NPFFR2: variants seen among roughly 807,000 people sequenced by gnomAD.
NPFFR2 encodes the protein neuropeptide FF receptor 2.
A neutral mutation model predicts 13.1 loss-of-function variants in NPFFR2; 15 were observed. The observed-to-expected ratio is 1.15, with a 90% confidence interval of 0.77 to 1.76. The LOEUF (loss-of-function observed/expected upper bound fraction) is 1.76, where lower values mean the gene tolerates loss of function less well. Ranked by LOEUF, NPFFR2 falls within the 40% of genes most tolerant of loss-of-function variation. NPFFR2 has a pLI of 0.00. For missense variants in NPFFR2, 572 were observed against 503.5 expected, an observed-to-expected ratio of 1.14 and a Z score of -1.30; for synonymous variants, 190 against 175.7, an observed-to-expected ratio of 1.08 and a Z score of -0.65.
Position 72,075,430 on chromosome 4 carries a change from G to A in NPFFR2, c.-8+43230G>A, listed in dbSNP as rs561461969. ...AATAACAGACTACCAAAATACATGA[G>A]GTAAGAAATGACTAAAGAACTAAAG... is the stretch of plus-strand genomic sequence containing the variant. On this transcript the variant is annotated intron_variant, in intron 1 of 3. Coordinates refer to ENST00000308744, the MANE Select transcript of NPFFR2 (RefSeq NM_004885.3). Among the ~76,000 whole-genome samples, 5 of 152,056 alleles carry A rather than the reference G, an allele frequency of 3.3e-5. No individual in the cohort carries two copies. The East Asian group carries it at 7.7e-4, about 24-fold the overall frequency.
intron 1 of NPFFR2, among the ~76,000 whole-genome samples, chr4:72,073,184 A>C (rs1720312800): frequency 6.6e-6 from 1 of 152,050 alleles, no homozygotes; most frequent in Non-Finnish European, 1.5e-5. Flanking sequence ...TATATTTTGA[A>C]ATAACTAAAA....
intron 1 of NPFFR2, among the ~76,000 whole-genome samples, chr4:72,093,649 A>G (rs1720971572): frequency 6.6e-6 from 1 of 151,048 alleles, no homozygotes; most frequent in South Asian, 2.1e-4. Context: ...GCATTTTGCC[A>G]TTTCTCTAAG....
chr4:72,139,916 G>T (rs1448799251), intron 3 of NPFFR2, among the ~76,000 whole-genome samples: 1 of 152,058 alleles, frequency 6.6e-6, no homozygotes, highest in Non-Finnish European at 1.5e-5. Flanking sequence ...GTTTGTTTGT[G>T]TCCTCTTTTA....
At chr4:72,116,544 C>A (rs1375569421) in intron 1 of NPFFR2, among the ~76,000 whole-genome samples, 1 of 151,956 alleles carries the variant, frequency 6.6e-6, no homozygotes, top group African/African-American at 2.4e-5. Context: ...AACAAATCTG[C>A]ACACGTACCC....
intron 1 of NPFFR2, among the ~76,000 whole-genome samples, chr4:72,117,154 C>T: frequency 6.6e-6 from 1 of 152,132 alleles, no homozygotes; most frequent in South Asian, 2.1e-4. Flanking sequence ...GCCAGGCTCC[C>T]TCCTCTGCTT....
At chr4:72,082,741 T>C (rs902415369) in intron 1 of NPFFR2, among the ~76,000 whole-genome samples, 2 of 152,144 alleles carry the variant, frequency 1.3e-5, no homozygotes, top group African/African-American at 4.8e-5. Flanking sequence ...CGATGTACAA[T>C]AGATATCCAG....
Position 72,128,644 on chromosome 4 carries a change from A to AT in NPFFR2, c.54dup (p.Val19CysfsTer3). ...TCAGAAAACTGGCATCCCATCTGGA[A>AT]TGTCAATGACACAAAGCATCATCTG... On this transcript the variant is annotated frameshift_variant, in exon 2 of 4. Transcript: ENST00000308744. LOFTEE classifies it high-confidence loss of function. The AT allele has an allele frequency of 6.2e-7, 1 of 1,613,338 alleles. No homozygotes were observed. The highest frequency in any genetic ancestry group is 8.5e-7 in the Non-Finnish European group (1 of 1,179,292).
At chr4:72,053,773 A>AT (rs1453141767) in intron 1 of NPFFR2, among the ~76,000 whole-genome samples, 2 of 151,740 alleles carry the variant, frequency 1.3e-5, no homozygotes, top group Admixed American at 6.6e-5. Context: ...TGTCTTTTAT[A>AT]TTTTTTTCTA....
intron 1 of NPFFR2, among the ~76,000 whole-genome samples, chr4:72,069,850 T>C (rs1452120732): frequency 6.6e-6 from 1 of 152,160 alleles, no homozygotes; most frequent in Non-Finnish European, 1.5e-5. Flanking sequence ...GAATACCTTT[T>C]CTATATCAGA....
At chr4:72,127,584 C>T (rs1386929495) in intron 1 of NPFFR2, among the ~76,000 whole-genome samples, 4 of 148,660 alleles carry the variant, frequency 2.7e-5, no homozygotes, top group South Asian at 2.1e-4. Context: ...AGGATGGTCT[C>T]GATCTCCTGA....
chr4:72,060,366 A>T (rs1719886297), intron 1 of NPFFR2, among the ~76,000 whole-genome samples: 1 of 151,998 alleles, frequency 6.6e-6, no homozygotes, highest in South Asian at 2.1e-4. Context: ...TTTCAATGAC[A>T]CCATCTCCAG....
At chr4:72,041,561 A>C (rs1299362506) in intron 1 of NPFFR2, among the ~76,000 whole-genome samples, 3 of 152,106 alleles carry the variant, frequency 2.0e-5, no homozygotes, top group African/African-American at 7.2e-5. Context: ...TTAGTTCTTT[A>C]AGAGATCTGC....
intron 3 of NPFFR2, among the ~76,000 whole-genome samples, chr4:72,141,649 T>C (rs1162302073): frequency 2.0e-5 from 3 of 152,196 alleles, no homozygotes; most frequent in African/African-American, 4.8e-5. Flanking sequence ...TTCTGTTCTT[T>C]TACATTTGCT....
chr4:72,126,866 C>T (rs1342649467), intron 1 of NPFFR2, among the ~76,000 whole-genome samples: 1 of 152,180 alleles, frequency 6.6e-6, no homozygotes, highest in African/African-American at 2.4e-5. Flanking sequence ...GCAGTCTTCA[C>T]CCCATGTACA....
chr4:72,122,579 G>A (rs1368813792), intron 1 of NPFFR2, among the ~76,000 whole-genome samples: 10 of 152,186 alleles, frequency 6.6e-5, no homozygotes, highest in Non-Finnish European at 1.5e-5. Flanking sequence ...AGTCAAATTA[G>A]AACTCAGGAT....
At chr4:72,065,102 A>C (rs766415346) in intron 1 of NPFFR2, among the ~76,000 whole-genome samples, 3 of 152,114 alleles carry the variant, frequency 2.0e-5, no homozygotes, top group East Asian at 1.9e-4. Context: ...AAAAAAAAAA[A>C]AACAAAGCTT....
chr4:72,122,476 T>C (rs569997171), intron 1 of NPFFR2, among the ~76,000 whole-genome samples: 1 of 152,306 alleles, frequency 6.6e-6, no homozygotes, highest in Admixed American at 6.5e-5. Context: ...GTCACACTTA[T>C]TCTAAAATTG....
At chr4:72,034,131 T>C (rs544727103) in intron 1 of NPFFR2, among the ~76,000 whole-genome samples, 3 of 152,300 alleles carry the variant, frequency 2.0e-5, no homozygotes, top group East Asian at 1.9e-4. Flanking sequence ...AAAAAGGACA[T>C]TGGTTTTAGC....
intron 1 of NPFFR2, among the ~76,000 whole-genome samples, chr4:72,112,331 C>A (rs1297817912): frequency 6.6e-6 from 1 of 152,010 alleles, no homozygotes; most frequent in African/African-American, 2.4e-5. Context: ...AAGATTCTTT[C>A]TCTCTCTTTT....
Sources: gnomAD v4.1 joint callset for allele counts (sites outside exome capture counted in the v4.1 genomes callset) on GRCh38, gnomAD v4.1.1 for gene constraint, MANE v1.5 for transcripts, NCBI Gene and HGNC (gene_info 2026-07-23, HGNC 2026-07-21) for gene names.